Variants in INSC observed in about 807,000 individuals in gnomAD.
INSC encodes INSC spindle orientation adaptor protein.
In INSC, 67 loss-of-function variants were observed where a neutral mutation model predicts 58.6. The observed-to-expected ratio is 1.14, with a 90% CI of 0.94 to 1.40. The LOEUF is 1.40. Among genes scored for constraint, INSC ranks in the 40% most tolerant of loss-of-function variants. The pLI is 0.00. For missense variants in INSC, 714 were observed against 692.0 expected (o/e 1.03, Z -0.36); for synonymous variants, 262 against 276.1 (o/e 0.95, Z 0.51).
chr11:15,196,306 A>T (rs1850367332), intron 6 of INSC, among the ~76,000 whole-genome samples: 1 of 152,188 alleles, frequency 6.6e-6, no homozygotes, highest in South Asian at 2.1e-4. Flanking sequence ...CCCCTCTGAG[A>T]AGTATATCAG....
At chr11:15,143,041 C>G (rs970124529) in intron 1 of INSC, among the ~76,000 whole-genome samples, 11 of 152,076 alleles carry the variant, frequency 7.2e-5, no homozygotes, top group Non-Finnish European at 1.2e-4. Flanking sequence ...AGCTGAGCTT[C>G]CTTCCACAAG....
rs187174999 is a variant in INSC, at chr11:15,188,170, G to A, written c.580-2531G>A. The A allele has an allele frequency of 5.4e-4, 535 of 985,328 alleles. 2 individuals carry two copies. The African/African-American group carries it at 7.7e-3, about 14-fold the overall frequency. 61.0% of individuals were successfully genotyped at this position (985,328 alleles called of 1,614,324 possible). A position where few individuals can be genotyped will look rare whatever the true frequency, so the allele number is the denominator to read the frequency against. On this transcript the variant is annotated intron_variant, in intron 5 of 12. Coordinates refer to ENST00000379556, the MANE Select transcript of INSC (RefSeq NM_001042536.3). ...GCAAGAATACAGGGCAGATCCAGAGGGGCATTTGCAAGGCCCCCACTCACA... is the reference window on the plus strand; with the variant it reads ...GCAAGAATACAGGGCAGATCCAGAGAGGCATTTGCAAGGCCCCCACTCACA...
intron 9 of INSC, among the ~76,000 whole-genome samples, chr11:15,229,960 TTATA>T (rs1239590441): frequency 4.0e-5 from 1 of 25,112 alleles, no homozygotes; most frequent in African/African-American, 2.3e-4. Context: ...ATATATATAT[TTATA>T]TATATATATA....
At chr11:15,116,884 CCTCCCTCCCTCCCT>C (rs1564853854) in intron 1 of INSC, among the ~76,000 whole-genome samples, 2 of 10,310 alleles carry the variant, frequency 1.9e-4, no homozygotes, top group African/African-American at 7.7e-4. Context: ...TCTCCCCCTC[CCTCCCTCCCTCCCT>C]CCCTCCCTCC....
intron 9 of INSC, among the ~76,000 whole-genome samples, chr11:15,231,057 T>A (rs1360791057): frequency 6.6e-6 from 1 of 152,196 alleles, no homozygotes; most frequent in East Asian, 1.9e-4. Context: ...CTGGGCCATG[T>A]CTGCCAGAGG....
chr11:15,195,728 G>A (rs57506518), intron 6 of INSC, among the ~76,000 whole-genome samples: 3,523 of 152,288 alleles, frequency 0.023, 137 homozygotes, highest in African/African-American at 0.079. Flanking sequence ...AGAAAGCAGG[G>A]GGAAAGGCCT....
chr11:15,225,527 C>T (rs1851599174), intron 8 of INSC, 123 bp from the exon 9 acceptor site: 6 of 984,754 alleles, frequency 6.1e-6, no homozygotes, highest in Non-Finnish European at 8.8e-6. Context: ...CTTTCCTCAT[C>T]TGTAAAATGG....
At position 15,175,860 on chromosome 11, in the gene INSC, A is replaced by G. The variant is rs1043549043; in HGVS notation, c.176A>G (p.Gln59Arg). 9.3e-6 allele frequency: 15 copies of G among 1,613,876 alleles called. No homozygotes were observed. Among genetic ancestry groups the G allele is most frequent in the African/African-American group, 1.3e-5 (1 of 74,940 alleles). ...CCCATCAGCCTGGAAGAGGATGCAC[A>G]GGGTGACCTCATCCTGGCAGGTGGC... ...AKPISLEEDA[Q>R]GDLILAGGPG... The change falls in exon 3 of 13, where the codon CAG becomes CGG. Residue 59 changes from glutamine (Q) to arginine (R), a missense_variant. Gln to Arg is a conservative substitution (Grantham distance 43). Coordinates refer to ENST00000379556, the MANE Select transcript of INSC (RefSeq NM_001042536.3).
intron 7 of INSC, among the ~76,000 whole-genome samples, chr11:15,220,677 G>A (rs1355257311): frequency 1.3e-5 from 2 of 152,194 alleles, no homozygotes; most frequent in Non-Finnish European, 2.9e-5. Flanking sequence ...TTATTGTAAG[G>A]AATAGATTGT....
upstream of INSC, chr11:15,112,350 T>G: frequency 1.3e-6 from 1 of 797,930 alleles, no homozygotes; most frequent in Non-Finnish European, 2.0e-6. Context: ...TTGGACAAGC[T>G]TTGCCTTGAG....
chr11:15,146,153 A>G (rs1848486241), intron 1 of INSC, among the ~76,000 whole-genome samples: 1 of 152,240 alleles, frequency 6.6e-6, no homozygotes. Context: ...TGTAATTATT[A>G]TTGTTACAGA....
At chr11:15,165,298 C>A in intron 2 of INSC, among the ~76,000 whole-genome samples, 1 of 152,196 alleles carries the variant, frequency 6.6e-6, no homozygotes, top group East Asian at 1.9e-4. Context: ...TGATGATACA[C>A]AGGCTTTATT....
intron 2 of INSC, among the ~76,000 whole-genome samples, chr11:15,171,938 T>C (rs1447570197): frequency 6.6e-6 from 1 of 152,308 alleles, no homozygotes; most frequent in East Asian, 1.9e-4. Flanking sequence ...AAGCACCAAT[T>C]GTTTCCAGGG....
At chr11:15,150,832 T>C (rs563861203) in intron 2 of INSC, among the ~76,000 whole-genome samples, 8 of 152,344 alleles carry the variant, frequency 5.3e-5, no homozygotes, top group African/African-American at 1.2e-4. Context: ...GAATCTCTTA[T>C]GTGGGGCTAA....
intron 12 of INSC, 59 bp downstream of exon 12, chr11:15,240,582 C>T (rs1852310605): frequency 2.1e-6 from 3 of 1,409,286 alleles, no homozygotes; most frequent in Non-Finnish European, 3.0e-6. Context: ...GCCAAGGGGG[C>T]CAGGAGAACC....
chr11:15,119,603 A>G (rs1465253215), intron 1 of INSC, among the ~76,000 whole-genome samples: 3 of 152,336 alleles, frequency 2.0e-5, no homozygotes, highest in Admixed American at 2.0e-4. Flanking sequence ...TTGTCTTACA[A>G]ACCAAATATT....
chr11:15,264,473 C>T, the INSC span, among the ~76,000 whole-genome samples: 3 of 144,272 alleles, frequency 2.1e-5, no homozygotes, highest in South Asian at 4.4e-4. Flanking sequence ...TTCCTTGCAG[C>T]TGTAAGACTG....
chr11:15,130,546 T>G (rs1462417426), intron 1 of INSC, among the ~76,000 whole-genome samples: 1 of 152,216 alleles, frequency 6.6e-6, no homozygotes, highest in African/African-American at 2.4e-5. Context: ...GTATATTTCT[T>G]TTCTTGTGTT....
intron 1 of INSC, among the ~76,000 whole-genome samples, chr11:15,120,225 C>T (rs4757285): frequency 0.49 from 74,929 of 152,036 alleles, 19,393 homozygotes; most frequent in Non-Finnish European, 0.58. Flanking sequence ...TTATTCATGC[C>T]TCAGTATTAA....
Sources: gnomAD v4.1 joint callset for allele counts (sites outside exome capture counted in the v4.1 genomes callset) on GRCh38, gnomAD v4.1.1 for gene constraint, MANE v1.5 for transcripts, NCBI Gene and HGNC (gene_info 2026-07-23, HGNC 2026-07-21) for gene names.